Variants in PLD5 observed in about 807,000 individuals in gnomAD.
PLD5 encodes the protein phospholipase D family member 5, also known as inactive phospholipase D5.
A neutral mutation model predicts 61.1 loss-of-function variants in PLD5; 36 were observed. The observed-to-expected ratio is 0.59, with a 90% CI of 0.45 to 0.78. PLD5 has a LOEUF of 0.78. Ranked by LOEUF, PLD5 falls within the 30% of genes least tolerant of loss-of-function variation. The pLI is 0.00. For missense variants in PLD5, 515 were observed against 644.4 expected, an observed-to-expected ratio of 0.80 and a Z score of 2.17; for synonymous variants, 243 against 242.8, an observed-to-expected ratio of 1.00 and a Z score of -0.01.
chr1:242,376,110 C>G (rs1419431377), intron 1 of PLD5, among the ~76,000 whole-genome samples: 1 of 152,094 alleles, frequency 6.6e-6, no homozygotes, highest in Non-Finnish European at 1.5e-5. Flanking sequence ...TATAGTAGTC[C>G]AGCCCTTTCG....
chr1:242,257,095 ATCTT>A (rs1369380969), intron 4 of PLD5, among the ~76,000 whole-genome samples: 4 of 137,946 alleles, frequency 2.9e-5, no homozygotes, highest in Non-Finnish European at 4.8e-5. Flanking sequence ...ATTTATCTAT[ATCTT>A]TCTATCTGTC....
intron 5 of PLD5, among the ~76,000 whole-genome samples, chr1:242,218,264 A>G (rs995006190): frequency 7.9e-5 from 12 of 152,244 alleles, no homozygotes; most frequent in African/African-American, 2.4e-4. Context: ...TTCTAGCAAT[A>G]AAGTATTCTT....
chr1:242,202,924 AG>A (rs1669073560), intron 5 of PLD5, among the ~76,000 whole-genome samples: 1 of 152,082 alleles, frequency 6.6e-6, no homozygotes, highest in Admixed American at 6.6e-5. Context: ...CAGGTGTGAG[AG>A]GGGGTCTTTG....
chr1:242,496,310 A>G (rs987512398), intron 1 of PLD5, among the ~76,000 whole-genome samples: 3 of 152,242 alleles, frequency 2.0e-5, no homozygotes, highest in Admixed American at 6.5e-5. Context: ...GCAACTTTGA[A>G]GAAAATAATA....
At chr1:242,332,585 C>A (rs1235957824) in intron 2 of PLD5, among the ~76,000 whole-genome samples, 1 of 152,144 alleles carries the variant, frequency 6.6e-6, no homozygotes, top group African/African-American at 2.4e-5. Flanking sequence ...TTCTATCTGG[C>A]GTGAGATAGT....
intron 5 of PLD5, among the ~76,000 whole-genome samples, chr1:242,147,084 T>C (rs1664593752): frequency 6.6e-6 from 1 of 152,194 alleles, no homozygotes; most frequent in Non-Finnish European, 1.5e-5. Context: ...AATTTTGAAA[T>C]ACAGTTATGT....
At chr1:242,154,866 A>T (rs924467309) in intron 5 of PLD5, among the ~76,000 whole-genome samples, 9 of 152,126 alleles carry the variant, frequency 5.9e-5, no homozygotes, top group Non-Finnish European at 1.2e-4. Context: ...TCATAAAATG[A>T]GTTACGGAGG....
At chr1:242,471,495 C>T (rs1482419981) in intron 1 of PLD5, among the ~76,000 whole-genome samples, 1 of 152,068 alleles carries the variant, frequency 6.6e-6, no homozygotes, top group African/African-American at 2.4e-5. Flanking sequence ...AATATATCAT[C>T]CACCTTGCTA....
At chr1:242,359,746 G>A (rs1660965597) in intron 1 of PLD5, among the ~76,000 whole-genome samples, 1 of 151,810 alleles carries the variant, frequency 6.6e-6, no homozygotes, top group African/African-American at 2.4e-5. Flanking sequence ...TCTTTCATAG[G>A]GTTATTATTA....
intron 2 of PLD5, among the ~76,000 whole-genome samples, chr1:242,338,254 C>T (rs1659639313): frequency 6.6e-6 from 1 of 152,118 alleles, no homozygotes; most frequent in African/African-American, 2.4e-5. Context: ...TATTTTTCTT[C>T]CCACTCCACT....
At chr1:242,386,799 G>T (rs1038620408) in intron 1 of PLD5, among the ~76,000 whole-genome samples, 1 of 152,238 alleles carries the variant, frequency 6.6e-6, no homozygotes, top group Non-Finnish European at 1.5e-5. Flanking sequence ...TATTAGGGAA[G>T]TAGTGGGACT....
intron 4 of PLD5, among the ~76,000 whole-genome samples, chr1:242,226,789 C>T (rs964064928): frequency 3.3e-5 from 5 of 152,074 alleles, no homozygotes; most frequent in African/African-American, 1.2e-4. Flanking sequence ...AGAGAATGTC[C>T]CTGGTTTTGG....
chr1:242,278,927 G>A (rs1198245974), intron 3 of PLD5, among the ~76,000 whole-genome samples: 2 of 152,342 alleles, frequency 1.3e-5, no homozygotes, highest in Non-Finnish European at 2.9e-5. Flanking sequence ...CACTCTTTCC[G>A]TGAGGTTATG....
chr1:242,471,693 C>T (rs762946468), intron 1 of PLD5, among the ~76,000 whole-genome samples: 1 of 152,100 alleles, frequency 6.6e-6, no homozygotes, highest in Non-Finnish European at 1.5e-5. Flanking sequence ...TATCCATACA[C>T]AATACACAAT....
At chr1:242,395,101 G>T (rs1663487562) in intron 1 of PLD5, among the ~76,000 whole-genome samples, 1 of 144,682 alleles carries the variant, frequency 6.9e-6, no homozygotes, top group Admixed American at 7.1e-5. Flanking sequence ...GAATATATAT[G>T]TATGTATATG....
intron 3 of PLD5, among the ~76,000 whole-genome samples, chr1:242,277,773 G>A (rs1296018474): frequency 4.6e-5 from 7 of 151,530 alleles, no homozygotes; most frequent in East Asian, 1.9e-4. Context: ...ACTTAAGGCC[G>A]GGAGTTTGAG....
chr1:242,103,465 A>C (rs1660832199), intron 8 of PLD5, among the ~76,000 whole-genome samples: 1 of 152,210 alleles, frequency 6.6e-6, no homozygotes, highest in Non-Finnish European at 1.5e-5. Flanking sequence ...CCATTGGTGA[A>C]CTAGACACCT....
chr1:242,104,888 C>T (rs975841033), intron 8 of PLD5, among the ~76,000 whole-genome samples: 1 of 152,184 alleles, frequency 6.6e-6, no homozygotes, highest in African/African-American at 2.4e-5. Flanking sequence ...TGTATATACT[C>T]ATGAATATTC....
chr1:242,197,782 C>T (rs1457740421), intron 5 of PLD5, among the ~76,000 whole-genome samples: 1 of 152,000 alleles, frequency 6.6e-6, no homozygotes, highest in East Asian at 1.9e-4. Context: ...TTACAGGTAC[C>T]TGCCATTATG....
Sources: gnomAD v4.1 joint callset for allele counts (sites outside exome capture counted in the v4.1 genomes callset) on GRCh38, gnomAD v4.1.1 for gene constraint, MANE v1.5 for transcripts, NCBI Gene and HGNC (gene_info 2026-07-23, HGNC 2026-07-21) for gene names.